CUL2: variants seen among roughly 807,000 people sequenced by gnomAD.
CUL2 encodes cullin 2, also known as cullin-2.
CUL2 carries 22 observed loss-of-function variants against 110.2 expected under a neutral mutation model. The observed-to-expected ratio is 0.20, with a 90% confidence interval of 0.14 to 0.28. The LOEUF (loss-of-function observed/expected upper bound fraction) is 0.28, where lower values mean the gene tolerates loss of function less well. Among genes scored for constraint, CUL2 ranks in the 10% least tolerant of loss-of-function variants. The pLI, the probability that CUL2 is intolerant of heterozygous loss-of-function variation, is 1.00. For missense variants in CUL2, 631 were observed against 905.5 expected, an observed-to-expected ratio of 0.70 and a Z score of 3.89; for synonymous variants, 279 against 293.2, an observed-to-expected ratio of 0.95 and a Z score of 0.49.
At chr10:35,033,311 A>G in intron 10 of CUL2, 38 bp from the exon 11 acceptor site, 1 of 1,373,802 alleles carries the variant, frequency 7.3e-7, no homozygotes, top group Non-Finnish European at 1.0e-6. Flanking sequence ...ACATTTTAAG[A>G]GGTTCAAGGA....
intron 1 of CUL2, among the ~76,000 whole-genome samples, chr10:35,082,318 C>T (rs889070764): frequency 6.6e-6 from 1 of 152,018 alleles, no homozygotes; most frequent in Non-Finnish European, 1.5e-5. Flanking sequence ...ATCTTATGGT[C>T]CTATTTAAAC....
upstream of CUL2, among the ~76,000 whole-genome samples, chr10:35,093,872 C>A (rs1190257580): frequency 6.6e-6 from 1 of 151,940 alleles, no homozygotes; most frequent in Non-Finnish European, 1.5e-5. Context: ...AATACAAAAG[C>A]AATCCTTTTC....
At chr10:35,108,078 T>C (rs2087485068) in intron 1 of CUL2, among the ~76,000 whole-genome samples, 1 of 151,988 alleles carries the variant, frequency 6.6e-6, no homozygotes, top group Non-Finnish European at 1.5e-5. Context: ...CTTCGCCTTT[T>C]GTGAATGGAA....
chr10:35,074,042 C>T (rs1258433058), intron 1 of CUL2: 1 of 777,584 alleles, frequency 1.3e-6, no homozygotes, highest in African/African-American at 1.7e-5. Context: ...CTGTGTGCAA[C>T]CATGCTACCT....
chr10:35,091,283 T>A (rs1442597728), upstream of CUL2, among the ~76,000 whole-genome samples: 1 of 152,164 alleles, frequency 6.6e-6, no homozygotes, highest in East Asian at 1.9e-4. Context: ...TTCAGCAAGC[T>A]TTTCCCTCCC....
chr10:35,028,864 C>T lies in CUL2; in HGVS notation c.1563G>A (p.Gln521=). The change falls in exon 16 of 21, where the codon CAG becomes CAA. Residue 521 remains glutamine (Q), a synonymous_variant. Transcript: ENST00000374749. ...GAATTGCAAACGTAGATGAAGGAGC[C>T]TGAGTAAGAGGCCACGCACCAGCCT... The part of the protein sequence containing the change: ...VLQAGAWPLT[Q]APSSTFAIPQ... The T allele has an allele frequency of 1.9e-6, 3 of 1,610,548 alleles. No homozygotes were observed. Among genetic ancestry groups the T allele is most frequent in the Non-Finnish European group, 2.5e-6 (3 of 1,177,806 alleles).
intron 1 of CUL2, among the ~76,000 whole-genome samples, chr10:35,109,660 G>A (rs957787409): frequency 6.6e-5 from 10 of 152,242 alleles, no homozygotes; most frequent in African/African-American, 2.2e-4. Flanking sequence ...AACAGTGGGA[G>A]CAGCAAGTGA....
chr10:35,114,318 G>T (rs2087563916), intron 1 of CUL2, among the ~76,000 whole-genome samples: 1 of 151,902 alleles, frequency 6.6e-6, no homozygotes, highest in African/African-American at 2.4e-5. Flanking sequence ...CCCTACCTCG[G>T]CCTCCTCAAG....
At chr10:35,122,755 G>A (rs1003065442) in intron 1 of CUL2, among the ~76,000 whole-genome samples, 2 of 151,998 alleles carry the variant, frequency 1.3e-5, no homozygotes, top group Non-Finnish European at 2.9e-5. Context: ...CTCATGCCTC[G>A]GGCTCTTAAG....
chr10:35,118,476 TC>T (rs2087634981), intron 1 of CUL2: 1 of 152,218 alleles, frequency 6.6e-6, no homozygotes, highest in South Asian at 2.1e-4. Flanking sequence ...TTGAGTTATT[TC>T]ATTAATATTT....
chr10:35,011,459 A>G (rs2084900383), intron 20 of CUL2, among the ~76,000 whole-genome samples: 1 of 152,070 alleles, frequency 6.6e-6, no homozygotes, highest in Non-Finnish European at 1.5e-5. Context: ...CTCTACGAAA[A>G]ATACAAAAAT....
chr10:35,067,276 A>G (rs1412544038), intron 2 of CUL2, among the ~76,000 whole-genome samples: 1 of 152,144 alleles, frequency 6.6e-6, no homozygotes, highest in Non-Finnish European at 1.5e-5. Flanking sequence ...ATCATTTTGG[A>G]CTTACTATAA....
chr10:35,083,830 T>C (rs1365105360), intron 1 of CUL2, among the ~76,000 whole-genome samples: 1 of 152,186 alleles, frequency 6.6e-6, no homozygotes, highest in African/African-American at 2.4e-5. Flanking sequence ...GCCTGTACTT[T>C]CTCTCCTTCA....
intron 1 of CUL2, among the ~76,000 whole-genome samples, chr10:35,072,530 G>A (rs542289909): frequency 3.3e-5 from 5 of 152,112 alleles, no homozygotes; most frequent in South Asian, 2.1e-4. Flanking sequence ...CACCATGCCC[G>A]GCTCATTTTT....
intron 5 of CUL2, among the ~76,000 whole-genome samples, chr10:35,051,590 G>A (rs1192311600): frequency 6.6e-6 from 1 of 152,206 alleles, no homozygotes; most frequent in Non-Finnish European, 1.5e-5. Context: ...TCCAGCCTGG[G>A]CGACAGCAAG....
intron 1 of CUL2, among the ~76,000 whole-genome samples, chr10:35,115,850 G>A (rs564183253): frequency 2.6e-5 from 4 of 152,114 alleles, no homozygotes; most frequent in African/African-American, 4.8e-5. Flanking sequence ...CCGAGATTGC[G>A]CCACTGCACT....
chr10:35,106,119 A>T (rs2135118776), intron 1 of CUL2, among the ~76,000 whole-genome samples: 1 of 152,262 alleles, frequency 6.6e-6, no homozygotes, highest in African/African-American at 2.4e-5. Context: ...GTGTTACGTC[A>T]TCAGGGTGGA....
At chr10:35,023,281 C>A (rs1181341456) in intron 17 of CUL2, among the ~76,000 whole-genome samples, 2 of 152,146 alleles carry the variant, frequency 1.3e-5, no homozygotes, top group Non-Finnish European at 2.9e-5. Context: ...CTCCTGGTTT[C>A]ACTGATAGGT....
Position 35,072,372 on chromosome 10 carries a change from CT to C in CUL2, c.-22-1034del, listed in dbSNP as rs150456156. Reference sequence around the variant, plus strand: ...CCCTGGCTCCAGTGAACTTAATGGGCTTTTTTTTTTTTTTGAGACAGAGTCT... The same window carrying C: ...CCCTGGCTCCAGTGAACTTAATGGGCTTTTTTTTTTTTTGAGACAGAGTCT... On this transcript the variant is annotated intron_variant, in intron 1 of 20. Coordinates refer to ENST00000374749, the MANE Select transcript of CUL2 (RefSeq NM_003591.4). Among the ~76,000 whole-genome samples the C allele has an allele frequency of 4.5e-3, 642 of 142,798 alleles. 4 individuals carry two copies. Among genetic ancestry groups the C allele is most frequent in the African/African-American group, 9.9e-3 (382 of 38,722 alleles). The allele number at this position is 142,798 out of a possible 152,430, so 93.7% of individuals were successfully genotyped here. A position where few individuals can be genotyped will look rare whatever the true frequency, so the allele number is the denominator to read the frequency against.
Sources: gnomAD v4.1 joint callset for allele counts (sites outside exome capture counted in the v4.1 genomes callset) on GRCh38, gnomAD v4.1.1 for gene constraint, MANE v1.5 for transcripts, NCBI Gene and HGNC (gene_info 2026-07-23, HGNC 2026-07-21) for gene names.